The following SAMSN1 variants were observed in gnomAD, a reference collection of about 807,000 sequenced individuals.
SAMSN1 encodes the protein SAM domain-containing protein SAMSN-1.
SAMSN1 carries 31 observed loss-of-function variants against 42.0 expected under a neutral mutation model. The ratio of observed to expected loss-of-function variants is 0.74; its 90% confidence interval spans 0.55 to 1.00. The LOEUF (loss-of-function observed/expected upper bound fraction) is 1.00. Among genes scored for constraint, SAMSN1 ranks in the 50% least tolerant of loss-of-function variants. The pLI, the probability that SAMSN1 is intolerant of heterozygous loss-of-function variation, is 0.00. For missense variants in SAMSN1, 464 were observed against 439.4 expected, an observed-to-expected ratio of 1.06 and a Z score of -0.50; for synonymous variants, 178 against 151.9, an observed-to-expected ratio of 1.17 and a Z score of -1.26.
chr21:14,518,987 A>T (rs1436051513), intron 2 of SAMSN1, among the ~76,000 whole-genome samples: 1 of 152,198 alleles, frequency 6.6e-6, no homozygotes, highest in Non-Finnish European at 1.5e-5. Flanking sequence ...TGTACCACAC[A>T]TATTTTTCAG....
chr21:14,577,238 GTATA>G (rs767931839), intron 2 of SAMSN1, among the ~76,000 whole-genome samples: 304 of 28,152 alleles, frequency 0.011, 5 homozygotes, highest in South Asian at 0.015. Flanking sequence ...ATATATGTGT[GTATA>G]TATATATATA....
upstream of SAMSN1, chr21:14,583,872 T>C: frequency 1.6e-6 from 1 of 617,358 alleles, no homozygotes; most frequent in East Asian, 2.9e-5. Context: ...AAATTAATAA[T>C]GTGACCTTAA....
chr21:14,562,857 T>A (rs1568809699), intron 2 of SAMSN1, among the ~76,000 whole-genome samples: 1 of 152,166 alleles, frequency 6.6e-6, no homozygotes, highest in Non-Finnish European at 1.5e-5. Context: ...TTTCTTCCAA[T>A]GTAATGAACT....
chr21:14,595,418 T>A (rs548643627), intron 6 of SAMSN1, among the ~76,000 whole-genome samples: 3 of 152,088 alleles, frequency 2.0e-5, no homozygotes, highest in Middle Eastern at 3.2e-3. Flanking sequence ...GTGGGAAATA[T>A]GTTTCTGTTT....
chr21:14,617,268 C>T lies in SAMSN1; in HGVS notation c.157-1252G>A, dbSNP rs565938246. On this transcript the variant is annotated intron_variant, in intron 2 of 15. Transcript: ENST00000647101. ...TTAGTGGTCAGATGGACCACTCCTT[C>T]CATTCTCTATGCTTTGTCATCCTGT... 4.0e-4 allele frequency among the ~76,000 whole-genome samples: 61 copies of T among 152,276 alleles called. 1 individual carries two copies. Among genetic ancestry groups the T allele is most frequent in the African/African-American group, 1.4e-3 (59 of 41,548 alleles).
chr21:14,527,484 C>G (rs957575546), intron 1 of SAMSN1, among the ~76,000 whole-genome samples: 2 of 152,146 alleles, frequency 1.3e-5, no homozygotes, highest in African/African-American at 4.8e-5. Context: ...AAAGGCAACC[C>G]AAAGCTCAAA....
intron 1 of SAMSN1, among the ~76,000 whole-genome samples, chr21:14,543,822 G>T (rs1980203721): frequency 6.6e-6 from 1 of 152,016 alleles, no homozygotes; most frequent in Non-Finnish European, 1.5e-5. Context: ...TAAGAGTATA[G>T]TATGAAGAGT....
chr21:14,594,357 G>T (rs1982193122), intron 6 of SAMSN1, among the ~76,000 whole-genome samples: 1 of 152,050 alleles, frequency 6.6e-6, no homozygotes, highest in Non-Finnish European at 1.5e-5. Context: ...ATGTGTCTAT[G>T]TGTATTAGAT....
chr21:14,649,786 C>CAT (rs1449287718), intron 1 of SAMSN1, among the ~76,000 whole-genome samples: 2 of 149,308 alleles, frequency 1.3e-5, no homozygotes, highest in Non-Finnish European at 3.0e-5. Flanking sequence ...CACACACACA[C>CAT]ACACACACAC....
intron 1 of SAMSN1, among the ~76,000 whole-genome samples, chr21:14,651,134 A>T (rs1163550570): frequency 6.6e-6 from 1 of 152,014 alleles, no homozygotes; most frequent in African/African-American, 2.4e-5. Context: ...TACTCAAACT[A>T]TTCCAAAAAG....
At chr21:14,510,182 T>C in intron 5 of SAMSN1, 128 bp downstream of exon 5, 1 of 860,266 alleles carries the variant, frequency 1.2e-6, no homozygotes, top group East Asian at 2.4e-5. Flanking sequence ...TACTGTAAGC[T>C]AGCCTCCACT....
chr21:14,628,604 C>T (rs1470470765), intron 2 of SAMSN1, among the ~76,000 whole-genome samples: 4 of 152,094 alleles, frequency 2.6e-5, no homozygotes, highest in African/African-American at 9.7e-5. Flanking sequence ...AGTCCTACTG[C>T]CTTCCTCCAT....
chr21:14,637,562 G>A (rs754943538), intron 2 of SAMSN1, among the ~76,000 whole-genome samples: 43 of 152,156 alleles, frequency 2.8e-4, no homozygotes, highest in Non-Finnish European at 5.4e-4. Context: ...GTATCTGTTT[G>A]TCTTCAGGTA....
intron 2 of SAMSN1, among the ~76,000 whole-genome samples, chr21:14,634,043 ATATT>A (rs2123366897): frequency 1.3e-5 from 2 of 152,262 alleles, no homozygotes; most frequent in African/African-American, 4.8e-5. Context: ...GATTTTTAAA[ATATT>A]TAATTTTATT....
intron 1 of SAMSN1, among the ~76,000 whole-genome samples, chr21:14,651,726 G>A (rs915207258): frequency 4.6e-5 from 7 of 151,944 alleles, no homozygotes; most frequent in Non-Finnish European, 1.0e-4. Context: ...TAGAAATGAA[G>A]AAGTCAAATT....
intron 7 of SAMSN1, among the ~76,000 whole-genome samples, chr21:14,588,893 GTCT>G (rs1982001895): frequency 6.6e-6 from 1 of 151,882 alleles, no homozygotes; most frequent in Non-Finnish European, 1.5e-5. Context: ...GTAATTTAGA[GTCT>G]TCTTTGAAAG....
intron 7 of SAMSN1, among the ~76,000 whole-genome samples, chr21:14,487,344 TTTTTA>T (rs1986481269): frequency 1.6e-5 from 2 of 128,518 alleles, no homozygotes; most frequent in African/African-American, 7.5e-5. Flanking sequence ...TCTTATTTAT[TTTTTA>T]TATATATATA....
chr21:14,579,389 G>T (rs950370926), intron 2 of SAMSN1, among the ~76,000 whole-genome samples: 6 of 152,010 alleles, frequency 3.9e-5, no homozygotes, highest in Non-Finnish European at 2.9e-5. Context: ...TATGACTGTT[G>T]TGTATTTCCC....
chr21:14,646,742 T>C (rs1305104273), intron 1 of SAMSN1, among the ~76,000 whole-genome samples: 1 of 152,100 alleles, frequency 6.6e-6, no homozygotes, highest in Non-Finnish European at 1.5e-5. Flanking sequence ...AAGACATAAA[T>C]AGAAGCAATG....
Sources: gnomAD v4.1 joint callset for allele counts (sites outside exome capture counted in the v4.1 genomes callset) on GRCh38, gnomAD v4.1.1 for gene constraint, MANE v1.5 for transcripts, NCBI Gene and HGNC (gene_info 2026-07-23, HGNC 2026-07-21) for gene names.